The following BARD1 variants were observed in gnomAD, a reference collection of about 807,000 sequenced individuals.
BARD1 encodes the protein BRCA1 associated RING domain 1.
Under a neutral mutation model 77.0 loss-of-function variants are expected in BARD1, and 73 were observed. The ratio of observed to expected loss-of-function variants is 0.95; its 90% CI spans 0.79 to 1.15. The LOEUF (loss-of-function observed/expected upper bound fraction) is 1.15. Ranked by LOEUF, BARD1 falls within the 50% of genes most tolerant of loss-of-function variation. The pLI, the probability that BARD1 is intolerant of heterozygous loss-of-function variation, is 0.00. For missense variants in BARD1, 993 were observed against 938.8 expected (o/e 1.06, Z -0.75); for synonymous variants, 384 against 338.0 (o/e 1.14, Z -1.49).
intron 5 of BARD1, among the ~76,000 whole-genome samples, chr2:214,768,000 T>C (rs1415839171): frequency 4.6e-5 from 7 of 152,194 alleles, no homozygotes; most frequent in Non-Finnish European, 7.3e-5. Context: ...ACATATTTAA[T>C]AACAAGATGA....
At position 214,729,067 on chromosome 2, in the gene BARD1, T is replaced by C. The variant is rs1014498719; in HGVS notation, c.2002-59A>G. On this transcript the variant is annotated intron_variant, in intron 10 of 10. Coordinates refer to ENST00000260947, the MANE Select transcript of BARD1 (RefSeq NM_000465.4). Reference sequence around the variant, plus strand: ...ATCAAAATACTGTATTCAAAAACACTGTATATGAATGAGGAAAATAAAAAT... The same window carrying C: ...ATCAAAATACTGTATTCAAAAACACCGTATATGAATGAGGAAAATAAAAAT... The C allele has an allele frequency of 5.4e-6, 8 of 1,468,312 alleles. No individual in the cohort carries two copies. In the African/African-American group the frequency reaches 7.0e-5, roughly 13 times the overall value. The allele number at this position is 1,468,312 out of a possible 1,614,324, so 91.0% of individuals were successfully genotyped here. A position where few individuals can be genotyped will look rare whatever the true frequency, so the allele number is the denominator to read the frequency against.
At chr2:214,764,165 T>G (rs1694089517) in intron 6 of BARD1, among the ~76,000 whole-genome samples, 1 of 152,208 alleles carries the variant, frequency 6.6e-6, no homozygotes, top group Admixed American at 6.5e-5. Flanking sequence ...TTTCATGTCA[T>G]CTGACCTTTT....
intron 4 of BARD1, among the ~76,000 whole-genome samples, chr2:214,774,038 C>T (rs1039013869): frequency 1.3e-5 from 2 of 152,186 alleles, no homozygotes; most frequent in African/African-American, 4.8e-5. Flanking sequence ...CACTTTCTTT[C>T]TCATCTATAA....
rs773179856 is a variant in BARD1 at position 214,728,811 on chromosome 2, G to A, written c.2199C>T (p.Cys733=). The part of the protein sequence containing the change: ...HARPDSDQRF[C]TQYIIYEDLC... The stretch of plus-strand genomic sequence containing the variant: ...AATCTTCATAGATGATATACTGTGT[G>A]CAGAAGCGCTGATCAGAATCGGGTC... Residue 733 remains cysteine (C), a synonymous_variant, in exon 11 of 11, where the codon TGC becomes TGT. Transcript: ENST00000260947. The A allele has an allele frequency of 6.2e-7, 1 of 1,614,234 alleles. No homozygotes were observed. The highest frequency in any genetic ancestry group is 8.5e-7 in the Non-Finnish European group (1 of 1,180,040).
At chr2:214,745,197 C>T (rs771335417) in intron 8 of BARD1, 38 bp from the exon 9 acceptor site, 2 of 1,553,074 alleles carry the variant, frequency 1.3e-6, no homozygotes, top group African/African-American at 1.4e-5. Context: ...AAGAAAGATA[C>T]AAGCCAAAGT....
chr2:214,767,494 G>C lies in BARD1; in HGVS notation c.1556C>G (p.Ser519Cys). ...IVKLLLSYGA[S>C]RNAVNIFGLR... ...TTGAACTACTTACACAGCATTTCTG[G>C]AGGCTCCATAGGAAAGTAACAGCTT... The change falls in exon 6 of 11, where the codon TCC becomes TGC. Residue 519 changes from serine to cysteine, a missense_variant. Coordinates refer to ENST00000260947, the MANE Select transcript of BARD1 (RefSeq NM_000465.4). 1 of 1,613,574 alleles carries C rather than the reference G, an allele frequency of 6.2e-7. No individual in the cohort carries two copies. Among genetic ancestry groups the C allele is most frequent in the Non-Finnish European group, 8.5e-7 (1 of 1,179,584 alleles).
Position 214,780,996 on chromosome 2 carries a change from C to T in BARD1, c.878G>A (p.Ser293Asn), listed in dbSNP as rs1574818784. ...CTCAGGAGTCACTACTTCATTCCTG[C>T]TCTTAGTGTCTGGAGACTCTATTTG... ...AEQIESPDTK[S>N]RNEVVTPEKV... Residue 293 changes from serine to asparagine, a missense_variant, in exon 4 of 11, where the codon AGC (serine) becomes AAC (asparagine). By Grantham distance (46) the Ser-to-Asn change is conservative (BLOSUM62 1). Transcript: ENST00000260947. 2 of 1,613,180 alleles carry T rather than the reference C, an allele frequency of 1.2e-6. No individual in the cohort carries two copies. Among genetic ancestry groups the T allele is most frequent in the Non-Finnish European group, 1.7e-6 (2 of 1,179,484 alleles).
Position 214,799,281 on chromosome 2 carries a change from A to G in BARD1, c.159-2164T>C, listed in dbSNP as rs143937797. Among the ~76,000 whole-genome samples the G allele has an allele frequency of 3.9e-3, 588 of 152,308 alleles. 3 individuals carry two copies. The highest frequency in any genetic ancestry group is 0.013 in the African/African-American group (547 of 41,570). ...ACACCCCTGCACTCCAGCCTGAGTG[A>G]CAGAGCCAGACTCTGTCTCAAAAAT... On this transcript the variant is annotated intron_variant, in intron 1 of 10. Transcript: ENST00000260947.
chr2:214,729,068 G>T, intron 10 of BARD1, 60 bp from the exon 11 acceptor site: 1 of 1,472,900 alleles, frequency 6.8e-7, no homozygotes, highest in Non-Finnish European at 9.4e-7. Context: ...CAAAAACACT[G>T]TATATGAATG....
At chr2:214,753,477 C>T (rs1347329135) in intron 6 of BARD1, among the ~76,000 whole-genome samples, 1 of 151,892 alleles carries the variant, frequency 6.6e-6, no homozygotes, top group East Asian at 1.9e-4. Context: ...CATATAATGG[C>T]CACAGAAGTC....
chr2:214,781,406 A>T lies in BARD1; in HGVS notation c.468T>A (p.Tyr156Ter). The change falls in exon 4 of 11, where the codon TAT (tyrosine) becomes TAA (stop). Residue 156 changes from tyrosine (Y) to a stop codon, truncating the protein, a stop_gained. Coordinates refer to ENST00000260947, the MANE Select transcript of BARD1 (RefSeq NM_000465.4). LOFTEE classifies it high-confidence loss of function. ...WFSPRSKKVR[Y>*]VVSKASVQTQ... ...TTTGCACTGAAGCTTTACTCACAAC[A>T]TATCTGACTTTCTTACTTCGAGGGC... is the stretch of plus-strand genomic sequence containing the variant. The T allele has an allele frequency of 6.2e-7, 1 of 1,613,628 alleles. No individual in the cohort carries two copies. Among genetic ancestry groups the T allele is most frequent in the Non-Finnish European group, 8.5e-7 (1 of 1,179,894 alleles).
intron 1 of BARD1, among the ~76,000 whole-genome samples, chr2:214,808,040 T>C (rs770677385): frequency 1.9e-4 from 29 of 152,280 alleles, no homozygotes; most frequent in Non-Finnish European, 4.3e-4. Context: ...AATGTCATTT[T>C]GTCACAGATA....
In BARD1 at chr2:214,809,460, C is replaced by G. The variant is rs1283611933; in HGVS notation, c.110G>C (p.Ser37Thr). 1 of 1,611,264 alleles carries G rather than the reference C, an allele frequency of 6.2e-7. No individual in the cohort carries two copies. The highest frequency in any genetic ancestry group is 1.3e-5 in the African/African-American group (1 of 74,920). ...CTCCAGGCGGTCGAGCGCGGCGCGA[C>G]TGTGGGCCCAGGCACCGCGACCATC... Reference protein sequence around the residue: ...EPDGRGAWAHSRAALDRLEKL... With the variant: ...EPDGRGAWAHTRAALDRLEKL... The change falls in exon 1 of 11, where the codon AGT becomes ACT. Residue 37 changes from serine (S) to threonine (T), a missense_variant. Transcript: ENST00000260947.
chr2:214,769,053 C>T (rs1383566994), intron 5 of BARD1, among the ~76,000 whole-genome samples, 179 bp downstream of exon 5: 3 of 152,176 alleles, frequency 2.0e-5, no homozygotes, highest in Non-Finnish European at 2.9e-5. Context: ...CAATTTCTTG[C>T]CTGTCACAAA....
In BARD1 at chr2:214,797,088, A is replaced by G. The variant is rs748828467; in HGVS notation, c.188T>C (p.Leu63Ser). 9.3e-6 allele frequency: 15 copies of G among 1,612,976 alleles called. No homozygotes were observed. Among genetic ancestry groups the G allele is most frequent in the African/African-American group, 4.0e-5 (3 of 74,896 alleles). The change falls in exon 2 of 11, where the codon TTA becomes TCA. Residue 63 changes from leucine (L) to serine (S), a missense_variant. By Grantham distance (145) the Leu-to-Ser change is moderately radical (BLOSUM62 -2). Coordinates refer to ENST00000260947, the MANE Select transcript of BARD1 (RefSeq NM_000465.4). ...CTNILREPVC[L>S]GGCEHIFCSN... is the part of the protein sequence containing the mutation. ...ACAGAAGATGTGCTCACATCCTCCT[A>G]AACACACAGGCTCTCTCAGAATGTT...
intron 4 of BARD1, among the ~76,000 whole-genome samples, chr2:214,772,640 T>C (rs189328268): frequency 3.0e-4 from 46 of 152,318 alleles, no homozygotes; most frequent in Middle Eastern, 3.4e-3. Flanking sequence ...GTGTCTTCTG[T>C]TAACATTCTC....
intron 9 of BARD1, among the ~76,000 whole-genome samples, chr2:214,736,445 G>C (rs1273328097): frequency 6.6e-6 from 1 of 151,864 alleles, no homozygotes; most frequent in African/African-American, 2.4e-5. Flanking sequence ...ATTCATAATT[G>C]TATCTTTAAC....
intron 6 of BARD1, among the ~76,000 whole-genome samples, chr2:214,766,471 C>G (rs1236605938): frequency 1.3e-5 from 2 of 152,128 alleles, no homozygotes; most frequent in African/African-American, 4.8e-5. Context: ...GTAAATCAAT[C>G]TACAGAATAT....
intron 5 of BARD1, 30 bp downstream of exon 5, chr2:214,769,202 A>C: frequency 6.4e-7 from 1 of 1,561,538 alleles, no homozygotes; most frequent in Non-Finnish European, 8.8e-7. Context: ...TAAAACACAG[A>C]AAGAATGAGA....
Sources: allele counts gnomAD v4.1 joint callset (sites outside exome capture counted in the v4.1 genomes callset), GRCh38; gene constraint gnomAD v4.1.1; transcripts MANE v1.5; gene names NCBI Gene and HGNC (gene_info 2026-07-23, HGNC 2026-07-21).